Variants in HIF1A observed in about 807,000 individuals in gnomAD.
The protein encoded by HIF1A is hypoxia inducible factor 1 subunit alpha.
Under a neutral mutation model 92.7 loss-of-function variants are expected in HIF1A, and 24 were observed. The ratio of observed to expected loss-of-function variants is 0.26; its 90% CI spans 0.19 to 0.36. The LOEUF is 0.36. HIF1A is among the 10% of genes least tolerant of loss of function. The pLI is 1.00. For missense variants in HIF1A, 799 were observed against 998.5 expected (o/e 0.80, Z 2.69); for synonymous variants, 319 against 338.7 (o/e 0.94, Z 0.64).
At chr14:61,705,353 C>G (rs1253960744) in intron 1 of HIF1A, among the ~76,000 whole-genome samples, 3 of 152,052 alleles carry the variant, frequency 2.0e-5, no homozygotes, top group Non-Finnish European at 4.4e-5. Context: ...TTTTACAATG[C>G]CACCAAAATG....
At position 61,738,327 on chromosome 14, in the gene HIF1A, A is replaced by G. The variant is rs2044664444; in HGVS notation, c.1490A>G (p.Gln497Arg). 1.9e-6 allele frequency: 3 copies of G among 1,613,904 alleles called. No homozygotes were observed. The highest frequency in any genetic ancestry group is 3.3e-5 in the Admixed American group (2 of 59,980). Residue 497 changes from glutamine (Q) to arginine (R), a missense_variant, in exon 10 of 15, where the codon CAG (glutamine) becomes CGG (arginine). Gln to Arg is a conservative substitution (Grantham distance 43). Around this residue, in one of 2 missense-constraint regions of HIF1A, gnomAD observed 516 missense variants for 721.0 expected, o/e 0.72. Coordinates refer to ENST00000337138, the MANE Select transcript of HIF1A (RefSeq NM_001530.4). ...TTTACCATGCCCCAGATTCAGGATC[A>G]GACACCTAGTCCTTCCGATGGAAGC... ...LSFTMPQIQD[Q>R]TPSPSDGSTR...
chr14:61,704,723 T>A (rs1335391636), intron 1 of HIF1A, among the ~76,000 whole-genome samples: 1 of 152,192 alleles, frequency 6.6e-6, no homozygotes, highest in Non-Finnish European at 1.5e-5. Context: ...CTTCAACGCT[T>A]AACCATGACT....
chr14:61,697,650 A>G lies in HIF1A; in HGVS notation c.35+1811A>G, dbSNP rs1389574696. Reference sequence around the variant, plus strand: ...TGAAAACTTGGCAACCTTGGATTGGATGGATTCATATTTCTTAGTATAGAA... The same window carrying G: ...TGAAAACTTGGCAACCTTGGATTGGGTGGATTCATATTTCTTAGTATAGAA... On this transcript the variant is annotated intron_variant, in intron 1 of 14. Transcript: ENST00000337138. The G allele has an allele frequency of 3.5e-6, 4 of 1,155,956 alleles. No individual in the cohort carries two copies. The East Asian group carries it at 1.6e-4, about 47-fold the overall frequency. The allele number at this position is 1,155,956 out of a possible 1,614,324, so 71.6% of individuals were successfully genotyped here. A position where few individuals can be genotyped will look rare whatever the true frequency, so the allele number is the denominator to read the frequency against.
chr14:61,705,536 T>G (rs1465898526), intron 1 of HIF1A, among the ~76,000 whole-genome samples: 1 of 152,172 alleles, frequency 6.6e-6, no homozygotes, highest in Non-Finnish European at 1.5e-5. Context: ...AGCTATCATG[T>G]TTCTTCCTTC....
intron 12 of HIF1A, among the ~76,000 whole-genome samples, chr14:61,743,638 T>G (rs185043063): frequency 5.9e-5 from 9 of 152,366 alleles, no homozygotes; most frequent in Admixed American, 3.3e-4. Flanking sequence ...CTTACCTATT[T>G]GGCATTCTCA....
chr14:61,728,211 T>C (rs2044531592), intron 6 of HIF1A, among the ~76,000 whole-genome samples: 1 of 152,164 alleles, frequency 6.6e-6, no homozygotes. Context: ...TTTTCCCCAA[T>C]AGGGGCTCTA....
At chr14:61,727,921 G>A (rs966646582) in intron 6 of HIF1A, among the ~76,000 whole-genome samples, 1 of 151,910 alleles carries the variant, frequency 6.6e-6, no homozygotes, top group Non-Finnish European at 1.5e-5. Flanking sequence ...AGGAGGCTGA[G>A]GCAGGAGAAT....
Position 61,707,315 on chromosome 14 carries a change from C to A in HIF1A, c.35+11476C>A, listed in dbSNP as rs577176708. On this transcript the variant is annotated intron_variant, in intron 1 of 14. Transcript: ENST00000337138. ...GCTCAGCATTCTGTGTTTTTTTTTTCTTTATTATACTTTAAGTTTTAGGGT... is the reference window on the plus strand; with the variant it reads ...GCTCAGCATTCTGTGTTTTTTTTTTATTTATTATACTTTAAGTTTTAGGGT... 4.5e-4 allele frequency among the ~76,000 whole-genome samples: 67 copies of A among 148,018 alleles called. 1 individual carries two copies. In the South Asian group the frequency reaches 8.8e-3, roughly 19 times the overall value.
In HIF1A at chr14:61,740,461, A is replaced by G. The variant is rs1009547588; in HGVS notation, c.1537-44A>G. On this transcript the variant is annotated intron_variant, in intron 10 of 14. Transcript: ENST00000337138. ...AAAATTCTGACAACTAGCAAAGTAT[A>G]TGGAAGCTTCTTCAGGAAATAGTAA... is the stretch of plus-strand genomic sequence containing the variant. The G allele has an allele frequency of 6.8e-6, 10 of 1,464,054 alleles. No homozygotes were observed. In the East Asian group the frequency reaches 2.1e-4, roughly 30 times the overall value. The allele number at this position is 1,464,054 out of a possible 1,614,324, so 90.7% of individuals were successfully genotyped here.
At chr14:61,720,968 G>A (rs762053487) in intron 2 of HIF1A, among the ~76,000 whole-genome samples, 3 of 152,028 alleles carry the variant, frequency 2.0e-5, no homozygotes, top group African/African-American at 7.2e-5. Context: ...CAGGCCGGGC[G>A]CGGTGGCTCA....
Position 61,703,621 on chromosome 14 carries a change from T to TA in HIF1A, c.35+7795dup, listed in dbSNP as rs1008107365. The stretch of plus-strand genomic sequence containing the variant: ...ACCTGCATCCATACAGTTTGTAATA[T>TA]AAAAAAAAAAAAAGTAAAAAAAACT... On this transcript the variant is annotated intron_variant, in intron 1 of 14. Coordinates refer to ENST00000337138, the MANE Select transcript of HIF1A (RefSeq NM_001530.4). Among the ~76,000 whole-genome samples, 873 of 138,058 alleles carry TA rather than the reference T, an allele frequency of 6.3e-3. 6 individuals are homozygous for TA. Among genetic ancestry groups the TA allele is most frequent in the African/African-American group, 0.02 (734 of 37,636 alleles). 90.6% of individuals were successfully genotyped at this position (138,058 alleles called of 152,430 possible). A position where few individuals can be genotyped will look rare whatever the true frequency, so the allele number is the denominator to read the frequency against.
At chr14:61,715,381 A>G (rs2044352257) in intron 1 of HIF1A, among the ~76,000 whole-genome samples, 1 of 152,210 alleles carries the variant, frequency 6.6e-6, no homozygotes, top group African/African-American at 2.4e-5. Flanking sequence ...GCCAACTCCT[A>G]TAATTCCTTC....
At position 61,741,153 on chromosome 14, in the gene HIF1A, A is replaced by G; in HGVS notation, c.2058A>G (p.Arg686=). The part of the protein sequence containing the change: ...VIEQTEKSHP[R]SPNVLSVALS... ...AACAGACAGAAAAATCTCATCCAAGAAGCCCTAACGTGTTATCTGTCGCTT... is the reference window on the plus strand; with the variant it reads ...AACAGACAGAAAAATCTCATCCAAGGAGCCCTAACGTGTTATCTGTCGCTT... The change falls in exon 12 of 15, where the codon AGA becomes AGG. Residue 686 remains arginine, a synonymous_variant. Coordinates refer to ENST00000337138, the MANE Select transcript of HIF1A (RefSeq NM_001530.4). The G allele has an allele frequency of 1.2e-6, 2 of 1,612,448 alleles. No individual in the cohort carries two copies. Among genetic ancestry groups the G allele is most frequent in the East Asian group, 4.5e-5 (2 of 44,872 alleles).
intron 1 of HIF1A, among the ~76,000 whole-genome samples, chr14:61,715,089 C>T (rs370044912): frequency 6.6e-6 from 1 of 151,722 alleles, no homozygotes; most frequent in East Asian, 1.9e-4. Context: ...GCAAGTAAAA[C>T]ACCAACAATG....
chr14:61,700,466 AGCATGTGTCAGAATTTC>A (rs2044165549), intron 1 of HIF1A, among the ~76,000 whole-genome samples: 1 of 152,202 alleles, frequency 6.6e-6, no homozygotes, highest in South Asian at 2.1e-4. Flanking sequence ...TCCATGTTGT[AGCATGTGTCAGAATTTC>A]CTTCCTTTTT....
chr14:61,742,141 CAT>C (rs999195909), intron 12 of HIF1A, among the ~76,000 whole-genome samples: 2 of 152,194 alleles, frequency 1.3e-5, no homozygotes, highest in East Asian at 1.9e-4. Context: ...TTCAAACAAA[CAT>C]ATGGACATGA....
chr14:61,745,986 G>A (rs2140162634), intron 14 of HIF1A, among the ~76,000 whole-genome samples, 169 bp downstream of exon 14: 1 of 152,296 alleles, frequency 6.6e-6, no homozygotes, highest in Non-Finnish European at 1.5e-5. Flanking sequence ...CACTTTGGGA[G>A]GCCGAGGCAG....
At chr14:61,709,576 A>G (rs1178385767) in intron 1 of HIF1A, among the ~76,000 whole-genome samples, 4 of 152,186 alleles carry the variant, frequency 2.6e-5, no homozygotes, top group East Asian at 1.9e-4. Flanking sequence ...TTCTTTAATT[A>G]TGGATATTTA....
intron 1 of HIF1A, among the ~76,000 whole-genome samples, chr14:61,719,520 T>C (rs1338901301): frequency 3.3e-5 from 5 of 152,226 alleles, no homozygotes; most frequent in Non-Finnish European, 7.3e-5. Flanking sequence ...TGGCACATGG[T>C]AACCTTTAAT....
Sources: gnomAD v4.1 joint callset for allele counts (sites outside exome capture counted in the v4.1 genomes callset) on GRCh38, gnomAD v4.1.1 for gene constraint, gnomAD v4.1.1 regional missense constraint, MANE v1.5 for transcripts, NCBI Gene and HGNC (gene_info 2026-07-23, HGNC 2026-07-21) for gene names.